Variants in MAX observed in about 807,000 individuals in gnomAD.
The protein encoded by MAX is MYC associated transcriptional regulator X, also known as protein max.
A neutral mutation model predicts 22.3 loss-of-function variants in MAX; 3 were observed. The ratio of observed to expected loss-of-function variants is 0.13; its 90% confidence interval spans 0.06 to 0.35. MAX has a LOEUF of 0.35. MAX is among the 10% of genes least tolerant of loss of function. The pLI is 1.00. For missense variants in MAX, 119 were observed against 209.4 expected, an observed-to-expected ratio of 0.57 and a Z score of 2.66; for synonymous variants, 72 against 77.7, an observed-to-expected ratio of 0.93 and a Z score of 0.39.
chr14:65,015,657 T>C (rs1026735335), intron 3 of MAX: 2 of 1,614,050 alleles, frequency 1.2e-6, no homozygotes, highest in African/African-American at 1.3e-5. Context: ...GGCTCTGCTA[T>C]TGGATCCTGC....
upstream of MAX, chr14:65,102,688 C>G (rs2139982614): frequency 1.6e-6 from 1 of 611,132 alleles, no homozygotes; most frequent in African/African-American, 2.1e-5. Flanking sequence ...CGACGCCAGC[C>G]CGGCTTGTTG....
chr14:65,011,694 G>A lies in MAX; in HGVS notation c.172-5410C>T, dbSNP rs887253088. ...CCGGCCTGTGCAGGTGGCCATGGGCGGCACATTCCATCTTAAAGCCAGTAT... is the reference window on the plus strand; with the variant it reads ...CCGGCCTGTGCAGGTGGCCATGGGCAGCACATTCCATCTTAAAGCCAGTAT... On this transcript the variant is annotated intron_variant, in intron 3 of 3. Transcript: ENST00000341653. This position sits in a 1 kb window ranked among gnomAD's most constrained non-coding sequence, Gnocchi z 4.0. Among the ~76,000 whole-genome samples, 6 of 152,214 alleles carry A rather than the reference G, an allele frequency of 3.9e-5. No homozygotes were observed. The highest frequency in any genetic ancestry group is 6.5e-5 in the Admixed American group (1 of 15,282).
chr14:65,011,602 G>GT lies in MAX; in HGVS notation c.172-5319dup, dbSNP rs1348722142. ...AACATCTTGACAATCTGTGCTTTTT[G>GT]TTTCCTTCCCTAGTCACACAGGCTC... On this transcript the variant is annotated intron_variant, in intron 3 of 3. Transcript: ENST00000341653. The surrounding 1 kb of genome is among the most constrained non-coding windows in gnomAD (Gnocchi z 4.0). 3.3e-5 allele frequency among the ~76,000 whole-genome samples: 5 copies of GT among 152,182 alleles called. No individual in the cohort carries two copies. Among genetic ancestry groups the GT allele is most frequent in the Non-Finnish European group, 5.9e-5 (4 of 68,036 alleles).
At chr14:65,026,190 C>A (rs530286929) in intron 3 of MAX, among the ~76,000 whole-genome samples, 10 of 152,154 alleles carry the variant, frequency 6.6e-5, no homozygotes, top group Admixed American at 5.9e-4. Flanking sequence ...TTTCTCCTGG[C>A]GGGAAGGCTG....
chr14:65,076,865 A>G lies in MAX; in HGVS notation c.296-202T>C. ...CCCGCCTTTCCCAGCTGGACCTGGG[A>G]GCCAGCAGACACTCTGCAATCCCAC... On this transcript the variant is annotated intron_variant, in intron 4 of 4. Transcript: ENST00000358664. The surrounding 1 kb of genome is among the most constrained non-coding windows in gnomAD (Gnocchi z 6.6). 1 of 658,490 alleles carries G rather than the reference A, an allele frequency of 1.5e-6. No homozygotes were observed. The highest frequency in any genetic ancestry group is 2.7e-5 in the East Asian group (1 of 36,470). 40.8% of individuals were successfully genotyped at this position (658,490 alleles called of 1,614,324 possible). A position where few individuals can be genotyped will look rare whatever the true frequency, so the allele number is the denominator to read the frequency against.
intron 3 of MAX, among the ~76,000 whole-genome samples, chr14:65,085,860 G>T (rs1595146542): frequency 6.6e-6 from 1 of 152,114 alleles, no homozygotes; most frequent in East Asian, 1.9e-4. Context: ...CAGATAAGCT[G>T]AGAATGAAAT....
intron 3 of MAX, among the ~76,000 whole-genome samples, chr14:65,059,067 T>C (rs1431046669): frequency 6.6e-6 from 1 of 152,160 alleles, no homozygotes; most frequent in Non-Finnish European, 1.5e-5. Flanking sequence ...CTGTCACTCA[T>C]GCTGGAGTAC....
chr14:65,032,537 C>A lies in MAX; in HGVS notation c.172-26253G>T. 6.4e-7 allele frequency: 1 copy of A among 1,551,438 alleles called. No homozygotes were observed. Among genetic ancestry groups the A allele is most frequent in the Non-Finnish European group, 8.7e-7 (1 of 1,144,438 alleles). ...AGCTTACTAGGCAAGGCGAGCAGTCCGCCCGCGGAGTTCACTGAGCCTCAT... is the reference window on the plus strand; with the variant it reads ...AGCTTACTAGGCAAGGCGAGCAGTCAGCCCGCGGAGTTCACTGAGCCTCAT... On this transcript the variant is annotated intron_variant, in intron 3 of 3. Transcript: ENST00000341653. This position sits in a 1 kb window ranked among gnomAD's most constrained non-coding sequence, Gnocchi z 5.0.
chr14:65,027,574 G>A lies in MAX; in HGVS notation c.172-21290C>T, dbSNP rs749833564. On this transcript the variant is annotated intron_variant, in intron 3 of 3. Transcript: ENST00000341653. This position sits in a 1 kb window ranked among gnomAD's most constrained non-coding sequence, Gnocchi z 5.7. ...CAATGCATTGTGCATCATTGGCACC[G>A]AGGAGGCCTATGACATCATTAACAG... 2.3e-5 allele frequency: 37 copies of A among 1,614,062 alleles called. No individual in the cohort carries two copies. The highest frequency in any genetic ancestry group is 2.9e-5 in the Non-Finnish European group (34 of 1,180,040).
rs550531213 is a variant in MAX at position 65,007,803 on chromosome 14, T to G, written c.172-1519A>C. Among the ~76,000 whole-genome samples, 1 of 152,236 alleles carries G rather than the reference T, an allele frequency of 6.6e-6. No individual in the cohort carries two copies. The highest frequency in any genetic ancestry group is 1.5e-5 in the Non-Finnish European group (1 of 68,036). On this transcript the variant is annotated intron_variant, in intron 3 of 3. Coordinates refer to the MAX transcript ENST00000341653. The surrounding 1 kb of genome is among the most constrained non-coding windows in gnomAD (Gnocchi z 4.9). ...AATAAGAAACCTGAAATGCATAAAC[T>G]ACACAGATACCTCGCTCACATGTAG...
chr14:65,063,791 C>T (rs1055175678), intron 3 of MAX, among the ~76,000 whole-genome samples: 3 of 152,188 alleles, frequency 2.0e-5, no homozygotes, highest in Non-Finnish European at 2.9e-5. Flanking sequence ...TCTCGAGCTC[C>T]TGGGCTCAAG....
intron 3 of MAX, among the ~76,000 whole-genome samples, chr14:65,059,693 C>T (rs536844654): frequency 9.7e-4 from 148 of 151,962 alleles, no homozygotes; most frequent in South Asian, 1.9e-3. Flanking sequence ...AGGATTATGC[C>T]GTGTCAAATC....
rs1409838476 is a variant in MAX, at chr14:65,084,284, A to C, written c.172-6248T>G. The C allele has an allele frequency of 3.2e-6, 5 of 1,583,482 alleles. No homozygotes were observed. Among genetic ancestry groups the C allele is most frequent in the Non-Finnish European group, 4.3e-6 (5 of 1,152,318 alleles). On this transcript the variant is annotated intron_variant, in intron 3 of 4. Coordinates refer to ENST00000358664, the MANE Select transcript of MAX (RefSeq NM_002382.5). This position sits in a 1 kb window ranked among gnomAD's most constrained non-coding sequence, Gnocchi z 4.3. ...TGAAGGACAGGAGTACACAATTTCC[A>C]AAAGAGGAAATAGAGCTAGTAAATA...
At chr14:65,075,107 A>G, downstream of MAX, 1 of 1,014,142 alleles carries the variant, frequency 9.9e-7, no homozygotes, top group Non-Finnish European at 1.2e-6. The surrounding 1 kb of genome is among the most constrained non-coding windows in gnomAD (Gnocchi z 4.1). Flanking sequence ...TAACAAGGGT[A>G]AGAAGACACC....
Position 65,009,851 on chromosome 14 carries a change from C to T in MAX, c.172-3567G>A, listed in dbSNP as rs887578369. On this transcript the variant is annotated intron_variant, in intron 3 of 3. Transcript: ENST00000341653. This position sits in a 1 kb window ranked among gnomAD's most constrained non-coding sequence, Gnocchi z 4.2. ...CCCTCCATCTCTTCCCGTGGCTGAT[C>T]ACAGCGTTTATTGGACAGGGCTCTG... Among the ~76,000 whole-genome samples the T allele has an allele frequency of 6.6e-6, 1 of 152,094 alleles. No individual in the cohort carries two copies. Among genetic ancestry groups the T allele is most frequent in the African/African-American group, 2.4e-5 (1 of 41,404 alleles).
chr14:65,088,846 T>C lies in MAX; in HGVS notation c.171+4862A>G, dbSNP rs1005766258. Among the ~76,000 whole-genome samples the C allele has an allele frequency of 6.6e-6, 1 of 152,158 alleles. No homozygotes were observed. Among genetic ancestry groups the C allele is most frequent in the African/African-American group, 2.4e-5 (1 of 41,436 alleles). On this transcript the variant is annotated intron_variant, in intron 3 of 4. Coordinates refer to ENST00000358664, the MANE Select transcript of MAX (RefSeq NM_002382.5). This position sits in a 1 kb window ranked among gnomAD's most constrained non-coding sequence, Gnocchi z 5.2. ...ATATATTAAGTATAATATATAAATG[T>C]GTGTACATAAAAGTATAAATGCTAT...
Position 65,015,821 on chromosome 14 carries a change from G to A in MAX, c.172-9537C>T, listed in dbSNP as rs1188937423. ...TTTGTTTGGAATGGAAAAAAACAGT[G>A]CCACAAAGAAATCTTTGCTCTTCTC... On this transcript the variant is annotated intron_variant, in intron 3 of 3. Transcript: ENST00000341653. The A allele has an allele frequency of 1.1e-5, 14 of 1,321,594 alleles. No individual in the cohort carries two copies. The Admixed American group carries it at 2.6e-4, about 25-fold the overall frequency. 81.9% of individuals were successfully genotyped at this position (1,321,594 alleles called of 1,614,324 possible). A position where few individuals can be genotyped will look rare whatever the true frequency, so the allele number is the denominator to read the frequency against.
At chr14:65,102,599 C>G, upstream of MAX, 1 of 1,397,026 alleles carries the variant, frequency 7.2e-7, no homozygotes, top group Non-Finnish European at 9.3e-7. Flanking sequence ...GCAGCCGAGA[C>G]TTGTAGTTCT....
At chr14:65,050,659 A>G (rs1051423260) in intron 3 of MAX, among the ~76,000 whole-genome samples, 1 of 152,238 alleles carries the variant, frequency 6.6e-6, no homozygotes, top group African/African-American at 2.4e-5. Flanking sequence ...GCTGGTAGCT[A>G]TATAAAGTCT....
Sources: gnomAD v4.1 joint callset for allele counts (sites outside exome capture counted in the v4.1 genomes callset) on GRCh38, gnomAD v4.1.1 for gene constraint, Gnocchi (gnomAD v3.1) non-coding constraint, MANE v1.5 for transcripts, NCBI Gene and HGNC (gene_info 2026-07-23, HGNC 2026-07-21) for gene names.